FCHSD2: variants seen among roughly 807,000 people sequenced by gnomAD.
FCHSD2 encodes the protein FCH and double SH3 domains 2.
In FCHSD2, 38 loss-of-function variants were observed where a neutral mutation model predicts 108.1. The ratio of observed to expected loss-of-function variants is 0.35; its 90% confidence interval spans 0.27 to 0.46. FCHSD2 has a LOEUF of 0.46. FCHSD2 is among the 20% of genes least tolerant of loss of function. The pLI is 1.00. For missense variants in FCHSD2, 751 were observed against 897.8 expected, an observed-to-expected ratio of 0.84 and a Z score of 2.09; for synonymous variants, 279 against 314.7, an observed-to-expected ratio of 0.89 and a Z score of 1.20.
At chr11:72,842,015 G>A (rs756276829) in intron 17 of FCHSD2, among the ~76,000 whole-genome samples, 2 of 152,186 alleles carry the variant, frequency 1.3e-5, no homozygotes, top group African/African-American at 2.4e-5. Context: ...CAATCACCAC[G>A]CAAACAAGAT....
intron 9 of FCHSD2, among the ~76,000 whole-genome samples, chr11:72,915,821 A>C (rs2135301789): frequency 6.6e-6 from 1 of 152,318 alleles, no homozygotes; most frequent in South Asian, 2.1e-4. Context: ...CTGCCTCAAA[A>C]ACAAAAAACA....
At chr11:72,840,196 C>T (rs2135147287) in intron 19 of FCHSD2, among the ~76,000 whole-genome samples, 1 of 152,322 alleles carries the variant, frequency 6.6e-6, no homozygotes, top group East Asian at 1.9e-4. Flanking sequence ...GTCCAGCTTA[C>T]CACTTTACAA....
At chr11:73,102,988 T>A (rs184802273) in intron 2 of FCHSD2, among the ~76,000 whole-genome samples, 1 of 152,316 alleles carries the variant, frequency 6.6e-6, no homozygotes, top group East Asian at 1.9e-4. Context: ...CAAATTACAC[T>A]ATTAAGTAGA....
At chr11:73,118,532 C>A (rs758238159) in intron 2 of FCHSD2, among the ~76,000 whole-genome samples, 13 of 152,288 alleles carry the variant, frequency 8.5e-5, no homozygotes, top group Middle Eastern at 3.4e-3. Flanking sequence ...TATCTGAATT[C>A]TTTCACTAAG....
At position 73,043,366 on chromosome 11, in the gene FCHSD2, T is replaced by A. The variant is rs528586277; in HGVS notation, c.166-27481A>T. On this transcript the variant is annotated intron_variant, in intron 3 of 19. Transcript: ENST00000409418. ...CCATAAGCAAGTATTTATCATCCTA[T>A]CCACTTTTCTGGGCAACCTGTCAAG... Among the ~76,000 whole-genome samples the A allele has an allele frequency of 3.0e-4, 45 of 152,346 alleles. No individual in the cohort carries two copies. In the South Asian group the frequency reaches 8.1e-3, roughly 27 times the overall value.
At chr11:73,021,669 A>T (rs1858108335) in intron 3 of FCHSD2, among the ~76,000 whole-genome samples, 1 of 152,162 alleles carries the variant, frequency 6.6e-6, no homozygotes, top group South Asian at 2.1e-4. Flanking sequence ...ACATGAGTTT[A>T]CCTATGTAAC....
chr11:72,882,303 G>A (rs1250509470), intron 12 of FCHSD2, among the ~76,000 whole-genome samples: 3 of 151,778 alleles, frequency 2.0e-5, no homozygotes, highest in Admixed American at 6.6e-5. Context: ...TTAGCCGGGC[G>A]TGGTGGCGTG....
intron 2 of FCHSD2, among the ~76,000 whole-genome samples, chr11:73,116,542 GTTT>G (rs376757976): frequency 3.3e-5 from 5 of 150,446 alleles, no homozygotes; most frequent in African/African-American, 1.2e-4. Context: ...TTTCGTTTTT[GTTT>G]TTTTTTCTTT....
At chr11:72,935,633 C>G (rs999906265) in intron 8 of FCHSD2, among the ~76,000 whole-genome samples, 1 of 152,100 alleles carries the variant, frequency 6.6e-6, no homozygotes, top group Admixed American at 6.5e-5. Flanking sequence ...TAGCTTTTTA[C>G]AAGAAATCAA....
intron 2 of FCHSD2, among the ~76,000 whole-genome samples, chr11:73,103,390 C>T (rs76144216): frequency 0.022 from 3,278 of 152,256 alleles, 73 homozygotes; most frequent in African/African-American, 0.058. Flanking sequence ...TTTCTGAAAA[C>T]TTAACCTGCT....
At chr11:72,893,269 C>T (rs1436393790) in intron 10 of FCHSD2, among the ~76,000 whole-genome samples, 1 of 152,150 alleles carries the variant, frequency 6.6e-6, no homozygotes, top group Non-Finnish European at 1.5e-5. Flanking sequence ...TCCCAAAGTG[C>T]TGGGATTACA....
At position 72,980,675 on chromosome 11, in the gene FCHSD2, G is replaced by GTATATA. The variant is rs35298009; in HGVS notation, c.705+3407_705+3412dup. Among the ~76,000 whole-genome samples the GTATATA allele has an allele frequency of 1.5e-4, 22 of 144,072 alleles. No individual in the cohort carries two copies. The Middle Eastern group carries it at 0.011, about 70-fold the overall frequency. The allele number at this position is 144,072 out of a possible 152,430, so 94.5% of individuals were successfully genotyped here. ...TATATGTATGTGTATGTGTGTGTGT[G>GTATATA]TATATATATATATATATATATAATG... On this transcript the variant is annotated intron_variant, in intron 8 of 19. Coordinates refer to ENST00000409418, the MANE Select transcript of FCHSD2 (RefSeq NM_014824.3).
At chr11:72,904,082 G>A (rs893168539) in intron 9 of FCHSD2, among the ~76,000 whole-genome samples, 4 of 152,200 alleles carry the variant, frequency 2.6e-5, no homozygotes, top group Admixed American at 6.5e-5. Flanking sequence ...TAAAGGGTAC[G>A]AGAAGAGAAC....
intron 8 of FCHSD2, among the ~76,000 whole-genome samples, chr11:72,967,196 T>C (rs1177407317): frequency 7.0e-6 from 1 of 143,884 alleles, no homozygotes; most frequent in Non-Finnish European, 1.5e-5. Context: ...CAAGACTCTG[T>C]CTCAAAAAAA....
intron 13 of FCHSD2, among the ~76,000 whole-genome samples, chr11:72,857,125 TCCCA>T (rs2135182742): frequency 6.6e-6 from 1 of 152,320 alleles, no homozygotes; most frequent in South Asian, 2.1e-4. Flanking sequence ...ATTTTTGGAT[TCCCA>T]TGGAAGGCAG....
At chr11:72,940,878 C>T in intron 8 of FCHSD2, 2 of 923,060 alleles carry the variant, frequency 2.2e-6, no homozygotes, top group Non-Finnish European at 3.5e-6. Context: ...ATTACACATA[C>T]AAATTTTTTG....
chr11:73,008,358 G>C (rs1367304846), intron 4 of FCHSD2, among the ~76,000 whole-genome samples: 1 of 151,916 alleles, frequency 6.6e-6, no homozygotes, highest in Non-Finnish European at 1.5e-5. Flanking sequence ...AAGAAAATGT[G>C]ATTAAGTTCA....
At chr11:73,003,750 T>C (rs1473389109) in intron 4 of FCHSD2, among the ~76,000 whole-genome samples, 2 of 151,530 alleles carry the variant, frequency 1.3e-5, no homozygotes, top group African/African-American at 2.4e-5. Flanking sequence ...CCTCCCAAAG[T>C]GCTGGGATTA....
intron 2 of FCHSD2, among the ~76,000 whole-genome samples, chr11:73,120,622 A>G (rs1565099988): frequency 6.6e-6 from 1 of 152,076 alleles, no homozygotes; most frequent in East Asian, 1.9e-4. Flanking sequence ...CCAGCTACTC[A>G]GGAGGCTGAG....
Sources: gnomAD v4.1 joint callset for allele counts (sites outside exome capture counted in the v4.1 genomes callset) on GRCh38, gnomAD v4.1.1 for gene constraint, MANE v1.5 for transcripts, NCBI Gene and HGNC (gene_info 2026-07-23, HGNC 2026-07-21) for gene names.